The following CELSR1 variants were observed in gnomAD, a reference collection of about 807,000 sequenced individuals.
The protein encoded by CELSR1 is cadherin EGF LAG seven-pass G-type receptor 1.
Under a neutral mutation model 249.1 loss-of-function variants are expected in CELSR1, and 110 were observed. The observed-to-expected ratio is 0.44, with a 90% CI of 0.38 to 0.52. The LOEUF (loss-of-function observed/expected upper bound fraction) is 0.52. Ranked by LOEUF, CELSR1 falls within the 20% of genes least tolerant of loss-of-function variation. The probability of loss-of-function intolerance (pLI) is 0.00; values close to 1 mark genes in which losing one functional copy is unlikely to be tolerated. For synonymous variants in CELSR1, 2,113 were observed against 1,900.0 expected (o/e 1.11, Z -2.92); for missense variants, 4,109 against 4,296.4 (o/e 0.96, Z 1.22).
At chr22:46,462,185 G>C (rs1028600040) in intron 2 of CELSR1, among the ~76,000 whole-genome samples, 1 of 152,220 alleles carries the variant, frequency 6.6e-6, no homozygotes, top group Admixed American at 6.5e-5. Flanking sequence ...GAGAGACAGC[G>C]GGGGGAAGAG....
At position 46,454,342 on chromosome 22, in the gene CELSR1, G is replaced by A. The variant is rs1569174740; in HGVS notation, c.4183+9365C>T. Among the ~76,000 whole-genome samples the A allele has an allele frequency of 6.6e-6, 1 of 152,206 alleles. No homozygotes were observed. Among genetic ancestry groups the A allele is most frequent in the Non-Finnish European group, 1.5e-5 (1 of 68,046 alleles). On this transcript the variant is annotated intron_variant, in intron 2 of 34. Coordinates refer to ENST00000674500, the MANE Select transcript of CELSR1 (RefSeq NM_001378328.1). The surrounding 1 kb of genome is among the most constrained non-coding windows in gnomAD (Gnocchi z 5.1). ...TGTGGAAATGTTACAGCGGCCACAG[G>A]AGACTCGTGCAGGGGTGAGCGAGCG...
chr22:46,448,105 A>C lies in CELSR1; in HGVS notation c.4184-8694T>G, dbSNP rs751641871. Among the ~76,000 whole-genome samples the C allele has an allele frequency of 6.6e-6, 1 of 152,226 alleles. No individual in the cohort carries two copies. The highest frequency in any genetic ancestry group is 1.5e-5 in the Non-Finnish European group (1 of 68,034). On this transcript the variant is annotated intron_variant, in intron 2 of 34. Transcript: ENST00000674500. The surrounding 1 kb of genome is among the most constrained non-coding windows in gnomAD (Gnocchi z 5.7). Reference sequence around the variant, plus strand: ...TCAACCCTTGGCCTAAGGGGCTTCCAGAAAAGCCCTGGCTTCACAGGGCTT... The same window carrying C: ...TCAACCCTTGGCCTAAGGGGCTTCCCGAAAAGCCCTGGCTTCACAGGGCTT...
intron 2 of CELSR1, among the ~76,000 whole-genome samples, chr22:46,456,247 G>T (rs562950800): frequency 7.2e-4 from 109 of 152,400 alleles, no homozygotes; most frequent in Non-Finnish European, 1.4e-3. Context: ...ACTCCGCAGG[G>T]TGATGGCACA....
intron 1 of CELSR1, among the ~76,000 whole-genome samples, chr22:46,504,522 A>C (rs1033466382): frequency 1.1e-5 from 1 of 87,312 alleles, no homozygotes; most frequent in South Asian, 3.2e-4. Flanking sequence ...AAAAAAAAAC[A>C]AAAAAAAACA....
At chr22:46,444,396 T>C (rs541278585) in intron 2 of CELSR1, among the ~76,000 whole-genome samples, 1 of 152,296 alleles carries the variant, frequency 6.6e-6, no homozygotes, top group African/African-American at 2.4e-5. Flanking sequence ...GGCTGACCGA[T>C]ATAAGCTTGT....
chr22:46,367,838 G>T lies in CELSR1; in HGVS notation c.7970C>A (p.Ala2657Glu). 1.2e-6 allele frequency: 2 copies of T among 1,610,946 alleles called. No individual in the cohort carries two copies. The highest frequency in any genetic ancestry group is 1.7e-6 in the Non-Finnish European group (2 of 1,179,612). The change falls in exon 28 of 35, where the codon GCA (alanine) becomes GAA (glutamate). Residue 2657 changes from alanine to glutamate, a missense_variant. Physicochemically the swap from Ala to Glu is moderately radical, Grantham distance 107 (BLOSUM62 -1). Transcript: ENST00000674500. ...KKGIVSLLRT[A>E]FLLLLLISAT... Reference sequence around the variant, plus strand: ...GCTGATGAGCAGCAGCAGGAGGAATGCGGTCCTCAGCAGGGAGCTGCGGGA... The same window carrying T: ...GCTGATGAGCAGCAGCAGGAGGAATTCGGTCCTCAGCAGGGAGCTGCGGGA...
chr22:46,422,630 G>A (rs55816923), intron 5 of CELSR1, among the ~76,000 whole-genome samples: 24,672 of 151,138 alleles, frequency 0.16, 2,312 homozygotes, highest in African/African-American at 0.24. Context: ...AGCCGGGCAT[G>A]GTGGTGGGCG....
chr22:46,386,221 C>T (rs990259144), intron 19 of CELSR1, among the ~76,000 whole-genome samples, 181 bp downstream of exon 19: 1 of 152,118 alleles, frequency 6.6e-6, no homozygotes, highest in Non-Finnish European at 1.5e-5. Context: ...CTGCCTGTCC[C>T]GATCTCCCAA....
At chr22:46,414,544 CT>C (rs1356922329) in intron 5 of CELSR1, among the ~76,000 whole-genome samples, 3 of 150,252 alleles carry the variant, frequency 2.0e-5, no homozygotes, top group South Asian at 2.1e-4. Context: ...ACCGTCCACT[CT>C]CCCGCCTCTC....
At chr22:46,419,864 C>T (rs192446396) in intron 5 of CELSR1, among the ~76,000 whole-genome samples, 12 of 152,154 alleles carry the variant, frequency 7.9e-5, no homozygotes, top group Non-Finnish European at 7.4e-5. Flanking sequence ...CATTCACACC[C>T]ACATGTGCAC....
At position 46,411,488 on chromosome 22, in the gene CELSR1, G is replaced by C. The variant is rs1285832467; in HGVS notation, c.4769+114C>G. The C allele has an allele frequency of 3.4e-5, 41 of 1,223,748 alleles. No individual in the cohort carries two copies. Among genetic ancestry groups the C allele is most frequent in the Non-Finnish European group, 4.3e-5 (38 of 886,846 alleles). 75.8% of individuals were successfully genotyped at this position (1,223,748 alleles called of 1,614,324 possible). A position where few individuals can be genotyped will look rare whatever the true frequency, so the allele number is the denominator to read the frequency against. ...ATGTCTGACTCTAGCCTGGAATGAGGTCGCCAGGGCACTGCACCCAGAGTG... is the reference window on the plus strand; with the variant it reads ...ATGTCTGACTCTAGCCTGGAATGAGCTCGCCAGGGCACTGCACCCAGAGTG... On this transcript the variant is annotated intron_variant, in intron 6 of 34. Coordinates refer to ENST00000674500, the MANE Select transcript of CELSR1 (RefSeq NM_001378328.1). This position sits in a 1 kb window ranked among gnomAD's most constrained non-coding sequence, Gnocchi z 4.2.
At chr22:46,368,525 C>T in intron 27 of CELSR1, among the ~76,000 whole-genome samples, 1 of 152,046 alleles carries the variant, frequency 6.6e-6, no homozygotes, top group East Asian at 1.9e-4. Context: ...TCCTGACACC[C>T]AGCCCCTGCG....
Position 46,409,649 on chromosome 22 carries a change from T to C in CELSR1, c.5059+106A>G, listed in dbSNP as rs2147326961. On this transcript the variant is annotated intron_variant, in intron 8 of 34. Coordinates refer to ENST00000674500, the MANE Select transcript of CELSR1 (RefSeq NM_001378328.1). The surrounding 1 kb of genome is among the most constrained non-coding windows in gnomAD (Gnocchi z 9.8). ...AAATGCAGCATATACCACCAGAGGC[T>C]GCCGGACCTGGATGTGAAGCCCCCT... 7.3e-7 allele frequency: 1 copy of C among 1,373,490 alleles called. No individual in the cohort carries two copies. Among genetic ancestry groups the C allele is most frequent in the Non-Finnish European group, 1.0e-6 (1 of 985,502 alleles). 85.1% of individuals were successfully genotyped at this position (1,373,490 alleles called of 1,614,324 possible). A position where few individuals can be genotyped will look rare whatever the true frequency, so the allele number is the denominator to read the frequency against.
At chr22:46,531,190 T>TTTA (rs1183812686) in intron 1 of CELSR1, among the ~76,000 whole-genome samples, 1 of 66,776 alleles carries the variant, frequency 1.5e-5, no homozygotes, top group Non-Finnish European at 2.6e-5. Context: ...CATCCTTTTA[T>TTTA]TTATTTATTT....
chr22:46,431,068 T>C (rs558536430), intron 5 of CELSR1, among the ~76,000 whole-genome samples: 1 of 152,340 alleles, frequency 6.6e-6, no homozygotes, highest in East Asian at 1.9e-4. Flanking sequence ...CGGGAGGCTG[T>C]GCTCAGGCAC....
Position 46,413,622 on chromosome 22 carries a change from C to T in CELSR1, c.4612-1863G>A, listed in dbSNP as rs774178027. Among the ~76,000 whole-genome samples the T allele has an allele frequency of 1.3e-5, 2 of 152,212 alleles. No homozygotes were observed. Among genetic ancestry groups the T allele is most frequent in the African/African-American group, 4.8e-5 (2 of 41,436 alleles). ...GGCTTCTACCATGACCCCTGGTATT[C>T]GAATGCATGGATCACCTTTTTCATT... On this transcript the variant is annotated intron_variant, in intron 5 of 34. Transcript: ENST00000674500. The surrounding 1 kb of genome is among the most constrained non-coding windows in gnomAD (Gnocchi z 4.7).
Position 46,397,786 on chromosome 22 carries a change from C to T in CELSR1, c.5589G>A (p.Lys1863=). ...CATCACAGCCGTCCTTCACCCTGAC[C>T]TTGAGTGCGTTGTTCATGTTCAGGG... The part of the protein sequence containing the change: ...VATLNMNNAL[K]VRVKDGCDVD... The change falls in exon 12 of 35, where the codon AAG becomes AAA. Residue 1863 remains lysine (K), a synonymous_variant. Coordinates refer to ENST00000674500, the MANE Select transcript of CELSR1 (RefSeq NM_001378328.1). The T allele has an allele frequency of 6.2e-7, 1 of 1,604,394 alleles. No individual in the cohort carries two copies. Among genetic ancestry groups the T allele is most frequent in the Non-Finnish European group, 8.5e-7 (1 of 1,174,708 alleles).
At chr22:46,365,713 C>G (rs1291092444) in intron 30 of CELSR1, 24 bp from the exon 31 acceptor site, 2 of 1,534,898 alleles carry the variant, frequency 1.3e-6, no homozygotes, top group Non-Finnish European at 1.8e-6. Flanking sequence ...GGAGGGTGGG[C>G]TCAGTATCAT....
At position 46,468,825 on chromosome 22, in the gene CELSR1, C is replaced by T. The variant is rs1183196311; in HGVS notation, c.3545-4480G>A. Reference sequence around the variant, plus strand: ...TCTCAGTGGCTCACGTCTGAAATCCCAGCACTTTGGGAGGCCGAGGCGGCA... The same window carrying T: ...TCTCAGTGGCTCACGTCTGAAATCCTAGCACTTTGGGAGGCCGAGGCGGCA... On this transcript the variant is annotated intron_variant, in intron 1 of 34. Transcript: ENST00000674500. The surrounding 1 kb of genome is among the most constrained non-coding windows in gnomAD (Gnocchi z 4.5). Among the ~76,000 whole-genome samples the T allele has an allele frequency of 6.6e-6, 1 of 152,088 alleles. No homozygotes were observed. Among genetic ancestry groups the T allele is most frequent in the Non-Finnish European group, 1.5e-5 (1 of 68,010 alleles).
Sources: gnomAD v4.1 joint callset for allele counts (sites outside exome capture counted in the v4.1 genomes callset) on GRCh38, gnomAD v4.1.1 for gene constraint, Gnocchi (gnomAD v3.1) non-coding constraint, MANE v1.5 for transcripts, NCBI Gene and HGNC (gene_info 2026-07-23, HGNC 2026-07-21) for gene names.